The following CNTN5 variants were observed in gnomAD, a reference collection of about 807,000 sequenced individuals.
The protein encoded by CNTN5 is contactin-5.
CNTN5 carries 77 observed loss-of-function variants against 129.1 expected under a neutral mutation model. The ratio of observed to expected loss-of-function variants is 0.60; its 90% CI spans 0.50 to 0.72. The LOEUF (loss-of-function observed/expected upper bound fraction) is 0.72. CNTN5 is among the 30% of genes least tolerant of loss of function. CNTN5 has a pLI of 0.00. For synonymous variants in CNTN5, 509 were observed against 465.6 expected (o/e 1.09, Z -1.20); for missense variants, 1,478 against 1,328.8 (o/e 1.11, Z -1.75).
At chr11:99,292,154 A>T (rs1194839278) in intron 1 of CNTN5, among the ~76,000 whole-genome samples, 1 of 151,942 alleles carries the variant, frequency 6.6e-6, no homozygotes, top group East Asian at 1.9e-4. Context: ...TGGCAAAAAT[A>T]AAAGAATAAT....
At chr11:100,026,028 G>A (rs562487318) in intron 9 of CNTN5, among the ~76,000 whole-genome samples, 1 of 152,206 alleles carries the variant, frequency 6.6e-6, no homozygotes, top group East Asian at 1.9e-4. Context: ...GGGGCTAGGG[G>A]AAGAATGATA....
At position 100,036,563 on chromosome 11, in the gene CNTN5, T is replaced by C. The variant is rs1453787366; in HGVS notation, c.981-24649T>C. The stretch of plus-strand genomic sequence containing the variant: ...AATCTGTAAATTACCTTGGGCAGTA[T>C]GGCCATTTTCATGATATTGATTCTT... On this transcript the variant is annotated intron_variant, in intron 9 of 24. Transcript: ENST00000524871. Among the ~76,000 whole-genome samples the C allele has an allele frequency of 8.3e-5, 12 of 144,990 alleles. No homozygotes were observed. The East Asian group carries it at 2.5e-3, about 30-fold the overall frequency.
intron 1 of CNTN5, among the ~76,000 whole-genome samples, chr11:99,302,126 G>A (rs990477720): frequency 6.6e-6 from 1 of 151,224 alleles, no homozygotes; most frequent in Non-Finnish European, 1.5e-5. Context: ...TATTAAAAAA[G>A]ATGAAAGATC....
chr11:99,642,175 G>A (rs1951794776), intron 3 of CNTN5, among the ~76,000 whole-genome samples: 1 of 152,142 alleles, frequency 6.6e-6, no homozygotes, highest in South Asian at 2.1e-4. Context: ...AATTCCATTT[G>A]ATGTGTTATG....
intron 10 of CNTN5, among the ~76,000 whole-genome samples, chr11:100,064,889 T>C (rs1021615332): frequency 6.6e-6 from 1 of 152,088 alleles, no homozygotes; most frequent in Non-Finnish European, 1.5e-5. Context: ...AAACATCATT[T>C]AAGCAGTTTT....
chr11:100,167,099 C>G (rs911109828), intron 13 of CNTN5, among the ~76,000 whole-genome samples: 2 of 151,634 alleles, frequency 1.3e-5, no homozygotes, highest in African/African-American at 4.8e-5. Context: ...ATTTCCAACC[C>G]TTTTAAAGTG....
At chr11:100,219,765 T>C (rs947344888) in intron 15 of CNTN5, among the ~76,000 whole-genome samples, 2 of 152,234 alleles carry the variant, frequency 1.3e-5, no homozygotes, top group Admixed American at 6.5e-5. Context: ...ATAAATGTTT[T>C]GTCAAATATT....
intron 13 of CNTN5, among the ~76,000 whole-genome samples, chr11:100,096,592 T>C (rs11222746): frequency 0.058 from 8,758 of 152,100 alleles, 847 homozygotes; most frequent in African/African-American, 0.2. Flanking sequence ...CTAGGCCTTA[T>C]TGGCCACCAA....
At chr11:100,104,019 T>C (rs12289231) in intron 13 of CNTN5, among the ~76,000 whole-genome samples, 1,740 of 152,156 alleles carry the variant, frequency 0.011, 38 homozygotes, top group African/African-American at 0.039. Context: ...GGAAATTTGT[T>C]AAATTATCTG....
chr11:99,073,928 C>G (rs2135258274), intron 1 of CNTN5, among the ~76,000 whole-genome samples: 1 of 152,224 alleles, frequency 6.6e-6, no homozygotes, highest in East Asian at 1.9e-4. Context: ...ATTTCTGGTT[C>G]TAGATCCTTG....
intron 4 of CNTN5, among the ~76,000 whole-genome samples, chr11:99,834,279 G>T (rs998732153): frequency 6.6e-6 from 1 of 151,830 alleles, no homozygotes; most frequent in African/African-American, 2.4e-5. Context: ...GCATTCACGG[G>T]GATTTTTATG....
At chr11:99,599,360 A>G (rs1950243801) in intron 3 of CNTN5, among the ~76,000 whole-genome samples, 1 of 152,060 alleles carries the variant, frequency 6.6e-6, no homozygotes, top group Non-Finnish European at 1.5e-5. Flanking sequence ...TTTTTTTAAC[A>G]TTGATTTAGC....
At chr11:100,326,376 G>C (rs191070376) in intron 21 of CNTN5, among the ~76,000 whole-genome samples, 8 of 152,260 alleles carry the variant, frequency 5.3e-5, no homozygotes, top group African/African-American at 1.9e-4. Flanking sequence ...ATTTAAGATA[G>C]AGAAATTCCA....
chr11:99,736,321 G>C (rs750121180), intron 3 of CNTN5, among the ~76,000 whole-genome samples: 2 of 152,158 alleles, frequency 1.3e-5, no homozygotes, highest in Non-Finnish European at 2.9e-5. Flanking sequence ...AATTTTGACA[G>C]GATCTGGAGC....
intron 2 of CNTN5, among the ~76,000 whole-genome samples, chr11:99,356,941 CAT>C (rs35712326): frequency 0.34 from 51,731 of 151,870 alleles, 8,772 homozygotes; most frequent in Middle Eastern, 0.37. Flanking sequence ...CAGTGAAAAA[CAT>C]GTGTATATAA....
intron 9 of CNTN5, among the ~76,000 whole-genome samples, chr11:100,046,448 T>C (rs1419354833): frequency 1.3e-5 from 2 of 152,188 alleles, no homozygotes; most frequent in East Asian, 1.9e-4. Flanking sequence ...TGCATAGATA[T>C]ATATTTTAAC....
chr11:99,667,786 G>C (rs575270482), intron 3 of CNTN5, among the ~76,000 whole-genome samples: 1 of 152,156 alleles, frequency 6.6e-6, no homozygotes, highest in East Asian at 1.9e-4. Flanking sequence ...ACACACCAGG[G>C]CTTGTTAGCG....
At chr11:99,135,043 TATA>T (rs1859148497) in intron 1 of CNTN5, among the ~76,000 whole-genome samples, 1 of 152,190 alleles carries the variant, frequency 6.6e-6, no homozygotes, top group Admixed American at 6.5e-5. Flanking sequence ...CGTAGAACAC[TATA>T]ATATAAGCCT....
chr11:99,560,315 T>TG (rs2135548649), intron 3 of CNTN5, among the ~76,000 whole-genome samples: 2 of 150,150 alleles, frequency 1.3e-5, no homozygotes, highest in South Asian at 4.3e-4. Flanking sequence ...TATTTTGAGA[T>TG]GGAGTTTCAC....
Sources: gnomAD v4.1 joint callset for allele counts (sites outside exome capture counted in the v4.1 genomes callset) on GRCh38, gnomAD v4.1.1 for gene constraint, MANE v1.5 for transcripts, NCBI Gene and HGNC (gene_info 2026-07-23, HGNC 2026-07-21) for gene names.